The following MYO5B variants were observed in gnomAD, a reference collection of about 807,000 sequenced individuals.
The protein encoded by MYO5B is unconventional myosin-Vb.
MYO5B carries 143 observed loss-of-function variants against 229.3 expected under a neutral mutation model. The observed-to-expected ratio is 0.62, with a 90% CI of 0.54 to 0.72. MYO5B has a LOEUF of 0.72. MYO5B is among the 30% of genes least tolerant of loss of function. MYO5B has a pLI of 0.00. For synonymous variants in MYO5B, 918 were observed against 885.2 expected, an observed-to-expected ratio of 1.04 and a Z score of -0.66; for missense variants, 2,321 against 2,331.0, an observed-to-expected ratio of 1.00 and a Z score of 0.09.
intron 1 of MYO5B, among the ~76,000 whole-genome samples, chr18:50,056,664 G>A (rs187424603): frequency 6.6e-6 from 1 of 151,754 alleles, no homozygotes; most frequent in East Asian, 1.9e-4. Flanking sequence ...CCCTGGGCCA[G>A]TCTGTCACCT....
chr18:50,185,951 A>G (rs2033142484), intron 1 of MYO5B, among the ~76,000 whole-genome samples: 1 of 152,246 alleles, frequency 6.6e-6, no homozygotes, highest in South Asian at 2.1e-4. Flanking sequence ...ATAAGTCTAA[A>G]GCAGCACTGC....
At chr18:50,057,362 C>A (rs1427872078) in intron 1 of MYO5B, among the ~76,000 whole-genome samples, 1 of 152,236 alleles carries the variant, frequency 6.6e-6, no homozygotes, top group African/African-American at 2.4e-5. Context: ...AAAGCAAAGT[C>A]TCCACTCCAT....
chr18:50,054,313 G>T (rs2030484190), intron 2 of MYO5B, among the ~76,000 whole-genome samples: 1 of 152,226 alleles, frequency 6.6e-6, no homozygotes, highest in African/African-American at 2.4e-5. Flanking sequence ...GCCCACCTGG[G>T]CAACACAGCA....
chr18:50,089,164 G>A lies in MYO5B; in HGVS notation c.28-33786C>T, dbSNP rs2031393491. ...GGAGACCAAGGTGGACAGATCATGA[G>A]GTCAGGAGTTCGAGACCAGCCTGGC... On this transcript the variant is annotated intron_variant, in intron 1 of 39. Coordinates refer to ENST00000285039, the MANE Select transcript of MYO5B (RefSeq NM_001080467.3). Among the ~76,000 whole-genome samples, 4 of 152,306 alleles carry A rather than the reference G, an allele frequency of 2.6e-5. No homozygotes were observed. The South Asian group carries it at 6.2e-4, about 24-fold the overall frequency.
chr18:50,076,504 C>T (rs1307043788), intron 1 of MYO5B, among the ~76,000 whole-genome samples: 1 of 152,202 alleles, frequency 6.6e-6, no homozygotes, highest in Non-Finnish European at 1.5e-5. Flanking sequence ...AAGCGCTTTT[C>T]AGAGCACGGA....
intron 33 of MYO5B, among the ~76,000 whole-genome samples, chr18:49,845,445 A>C (rs1050832590): frequency 6.6e-6 from 1 of 152,218 alleles, no homozygotes; most frequent in Non-Finnish European, 1.5e-5. Context: ...CTTCAGTCTT[A>C]CATAAGTTTC....
chr18:50,027,403 T>C (rs2026342934), intron 4 of MYO5B, among the ~76,000 whole-genome samples: 1 of 152,132 alleles, frequency 6.6e-6, no homozygotes, highest in Non-Finnish European at 1.5e-5. Flanking sequence ...TTGAGCCCAT[T>C]TATGCCTTAC....
At chr18:49,851,905 C>G (rs2024205333) in intron 31 of MYO5B, among the ~76,000 whole-genome samples, 1 of 152,198 alleles carries the variant, frequency 6.6e-6, no homozygotes, top group Non-Finnish European at 1.5e-5. Flanking sequence ...AGCTGGCTCT[C>G]CTTAGGGGTC....
chr18:49,922,416 G>A (rs995563554), intron 17 of MYO5B, among the ~76,000 whole-genome samples: 6 of 152,122 alleles, frequency 3.9e-5, no homozygotes, highest in South Asian at 2.1e-4. Context: ...CCCTCTCACC[G>A]CTCATCCTCA....
At chr18:50,111,081 A>G (rs903078333) in intron 1 of MYO5B, among the ~76,000 whole-genome samples, 3 of 152,228 alleles carry the variant, frequency 2.0e-5, no homozygotes, top group South Asian at 2.1e-4. Flanking sequence ...GGTGGAGACT[A>G]TATTAAGGAA....
intron 1 of MYO5B, among the ~76,000 whole-genome samples, chr18:50,101,257 G>A (rs577310794): frequency 6.6e-6 from 1 of 152,256 alleles, no homozygotes; most frequent in South Asian, 2.1e-4. Flanking sequence ...TACACCTTAA[G>A]TGCCAATTTT....
chr18:50,044,640 C>T (rs2030168980), intron 2 of MYO5B, among the ~76,000 whole-genome samples: 1 of 152,078 alleles, frequency 6.6e-6, no homozygotes, highest in Non-Finnish European at 1.5e-5. Context: ...AGCTCTCCAG[C>T]AGGGTAGCCC....
At chr18:49,987,473 A>G (rs2025883282) in intron 7 of MYO5B, among the ~76,000 whole-genome samples, 1 of 152,076 alleles carries the variant, frequency 6.6e-6, no homozygotes, top group African/African-American at 2.4e-5. Flanking sequence ...AACTTCTCTC[A>G]TCCTCCAGTT....
At chr18:50,064,191 G>C (rs2030761598) in intron 1 of MYO5B, 1 of 153,058 alleles carries the variant, frequency 6.5e-6, no homozygotes, top group Non-Finnish European at 1.5e-5. Flanking sequence ...CCCCGAGTCT[G>C]AATTGAGCAC....
At chr18:50,133,321 G>T (rs2032283333) in intron 1 of MYO5B, among the ~76,000 whole-genome samples, 1 of 152,194 alleles carries the variant, frequency 6.6e-6, no homozygotes, top group Non-Finnish European at 1.5e-5. Context: ...CCACAAAGAA[G>T]ATACTACATC....
chr18:49,847,257 G>A lies in MYO5B; in HGVS notation c.4348C>T (p.Arg1450Cys), dbSNP rs748156643. The stretch of plus-strand genomic sequence containing the variant: ...GTGACCTGCCTGTTGAGCTCATGGC[G>A]CTTCCTCTCACTCTGGGCCAATGCC... ...AQALAQSERK[R>C]HELNRQVTVQ... The change falls in exon 33 of 40, where the codon CGC becomes TGC. Residue 1450 changes from arginine to cysteine, a missense_variant. Around this residue, in one of 2 missense-constraint regions of MYO5B, gnomAD observed 2,113 missense variants for 2,044.7 expected, o/e 1.03. Coordinates refer to ENST00000285039, the MANE Select transcript of MYO5B (RefSeq NM_001080467.3). 53 of 1,613,666 alleles carry A rather than the reference G, an allele frequency of 3.3e-5. No homozygotes were observed. Among genetic ancestry groups the A allele is most frequent in the South Asian group, 3.0e-4 (27 of 91,056 alleles).
At chr18:50,131,502 T>C (rs1399476856) in intron 1 of MYO5B, among the ~76,000 whole-genome samples, 1 of 152,204 alleles carries the variant, frequency 6.6e-6, no homozygotes, top group Non-Finnish European at 1.5e-5. Flanking sequence ...CTACAGACAC[T>C]TTCAATCAAG....
At chr18:49,892,959 T>G (rs2024732356) in intron 22 of MYO5B, among the ~76,000 whole-genome samples, 1 of 152,218 alleles carries the variant, frequency 6.6e-6, no homozygotes, top group Non-Finnish European at 1.5e-5. Flanking sequence ...TCTAATTTTC[T>G]TTAAGACCTA....
chr18:50,055,276 C>A lies in MYO5B; in HGVS notation c.130G>T (p.Asp44Tyr), dbSNP rs754267236. The stretch of plus-strand genomic sequence containing the variant: ...CCCGGACTCACTCTTACCGTTTCAT[C>A]CTCCAGTCTGAGCTGTAGGCTCTTG... The part of the protein sequence containing the change: ...GDKSLQLRLE[D>Y]ETILEYPIDV... Residue 44 changes from aspartate (D) to tyrosine (Y), a missense_variant, in exon 2 of 40, where the codon GAT becomes TAT. Physicochemically the swap from Asp to Tyr is radical, Grantham distance 160. Transcript: ENST00000285039. 1.6e-6 allele frequency: 2 copies of A among 1,213,046 alleles called. No individual in the cohort carries two copies. The highest frequency in any genetic ancestry group is 2.4e-5 in the South Asian group (2 of 84,726). 75.1% of individuals were successfully genotyped at this position (1,213,046 alleles called of 1,614,324 possible).
Sources: gnomAD v4.1 joint callset for allele counts (sites outside exome capture counted in the v4.1 genomes callset) on GRCh38, gnomAD v4.1.1 for gene constraint, gnomAD v4.1.1 regional missense constraint, MANE v1.5 for transcripts, NCBI Gene and HGNC (gene_info 2026-07-23, HGNC 2026-07-21) for gene names.